Variants in VAV3 observed in about 807,000 individuals in gnomAD.
VAV3 encodes the protein guanine nucleotide exchange factor VAV3.
Under a neutral mutation model 131.2 loss-of-function variants are expected in VAV3, and 94 were observed. The observed-to-expected ratio is 0.72, with a 90% CI of 0.61 to 0.85. The LOEUF (loss-of-function observed/expected upper bound fraction) is 0.85. VAV3 is among the 40% of genes least tolerant of loss of function. The pLI, the probability that VAV3 is intolerant of heterozygous loss-of-function variation, is 0.00. For synonymous variants in VAV3, 349 were observed against 342.0 expected, an observed-to-expected ratio of 1.02 and a Z score of -0.22; for missense variants, 939 against 1,002.7, an observed-to-expected ratio of 0.94 and a Z score of 0.86.
chr1:107,819,603 G>A (rs1335476065), intron 2 of VAV3, among the ~76,000 whole-genome samples: 1 of 151,734 alleles, frequency 6.6e-6, no homozygotes, highest in Non-Finnish European at 1.5e-5. Flanking sequence ...GCCTCAAATT[G>A]CACTTTTTCA....
intron 2 of VAV3, chr1:107,862,611 A>G (rs986131297): frequency 2.0e-5 from 3 of 151,514 alleles, no homozygotes; most frequent in African/African-American, 7.3e-5. Context: ...CTCATCCATC[A>G]TATTTACAAT....
intron 2 of VAV3, among the ~76,000 whole-genome samples, chr1:107,848,990 A>G (rs1307237370): frequency 1.3e-5 from 2 of 152,176 alleles, no homozygotes; most frequent in East Asian, 3.9e-4. Flanking sequence ...AAAGAGAATA[A>G]AATACCTAGG....
chr1:107,617,279 T>C (rs12036368), intron 21 of VAV3, among the ~76,000 whole-genome samples: 22,094 of 152,148 alleles, frequency 0.15, 1,950 homozygotes, highest in East Asian at 0.35. Flanking sequence ...GGGAAACCTG[T>C]ACAATGCGTC....
chr1:107,636,171 C>T (rs777561935), intron 20 of VAV3, among the ~76,000 whole-genome samples: 2 of 152,160 alleles, frequency 1.3e-5, no homozygotes, highest in African/African-American at 2.4e-5. Flanking sequence ...TATGGAATTG[C>T]ATTTGAATTT....
intron 20 of VAV3, among the ~76,000 whole-genome samples, chr1:107,629,052 G>C (rs1654247906): frequency 6.6e-6 from 1 of 152,138 alleles, no homozygotes; most frequent in African/African-American, 2.4e-5. Flanking sequence ...ACTGATTACA[G>C]TTCTACTGCT....
At chr1:107,821,639 G>A (rs899282052) in intron 2 of VAV3, among the ~76,000 whole-genome samples, 3 of 152,204 alleles carry the variant, frequency 2.0e-5, no homozygotes, top group African/African-American at 7.2e-5. Flanking sequence ...GACAGAGGAG[G>A]TTGGAGGGGC....
At chr1:107,584,228 C>T (rs34144151) in intron 25 of VAV3, among the ~76,000 whole-genome samples, 17,158 of 152,126 alleles carry the variant, frequency 0.11, 1,377 homozygotes, top group East Asian at 0.34. Context: ...AAACTGGATC[C>T]CTTCCTTACA....
intron 1 of VAV3, among the ~76,000 whole-genome samples, chr1:107,947,083 G>A (rs1010475833): frequency 6.6e-6 from 1 of 152,144 alleles, no homozygotes; most frequent in Non-Finnish European, 1.5e-5. Context: ...TTGAACTCTA[G>A]AGCCTATAAC....
chr1:107,770,498 T>C, intron 6 of VAV3, 138 bp downstream of exon 6: 1 of 644,394 alleles, frequency 1.6e-6, no homozygotes, highest in Non-Finnish European at 2.7e-6. Context: ...AATGAATAAA[T>C]CTGCTTTGAG....
At chr1:107,803,050 C>CTA (rs1666899809) in intron 2 of VAV3, among the ~76,000 whole-genome samples, 1 of 151,884 alleles carries the variant, frequency 6.6e-6, no homozygotes. Flanking sequence ...TTTTCTATTT[C>CTA]TTCGTGGCTT....
chr1:107,880,910 A>C (rs1259514704), intron 1 of VAV3, among the ~76,000 whole-genome samples: 2 of 152,172 alleles, frequency 1.3e-5, no homozygotes, highest in Admixed American at 6.5e-5. Context: ...GTCAAGCTCT[A>C]TGCTAAATGT....
chr1:107,873,900 C>T (rs1334228115), intron 2 of VAV3, among the ~76,000 whole-genome samples: 1 of 152,078 alleles, frequency 6.6e-6, no homozygotes, highest in African/African-American at 2.4e-5. Context: ...TCCCCATATG[C>T]GCTGTATTTC....
chr1:107,788,406 T>G (rs1666129106), intron 2 of VAV3, among the ~76,000 whole-genome samples: 2 of 152,082 alleles, frequency 1.3e-5, no homozygotes, highest in Non-Finnish European at 2.9e-5. Flanking sequence ...CTGCTTTGCC[T>G]GCTGTGCTCC....
chr1:107,948,626 C>G (rs1276361147), intron 1 of VAV3, among the ~76,000 whole-genome samples: 1 of 152,152 alleles, frequency 6.6e-6, no homozygotes, highest in East Asian at 1.9e-4. Context: ...GGCAGATCAC[C>G]TGAGGTCAGC....
intron 15 of VAV3, among the ~76,000 whole-genome samples, chr1:107,719,193 CA>C (rs1425031428): frequency 1.3e-5 from 2 of 152,082 alleles, no homozygotes; most frequent in Non-Finnish European, 2.9e-5. Context: ...TAACAGAAGC[CA>C]AAATAGACAA....
At chr1:107,762,536 T>C (rs1478047214) in intron 9 of VAV3, among the ~76,000 whole-genome samples, 2 of 152,156 alleles carry the variant, frequency 1.3e-5, no homozygotes, top group Admixed American at 6.5e-5. Context: ...AAACAGAAAG[T>C]TACATTGTTA....
chr1:107,819,314 T>C (rs983754552), intron 2 of VAV3, among the ~76,000 whole-genome samples: 2 of 152,138 alleles, frequency 1.3e-5, no homozygotes, highest in Non-Finnish European at 2.9e-5. Flanking sequence ...AAACCTCATA[T>C]AATAACAAAT....
At chr1:107,670,468 A>G (rs1657706483) in intron 19 of VAV3, among the ~76,000 whole-genome samples, 1 of 152,168 alleles carries the variant, frequency 6.6e-6, no homozygotes, top group Admixed American at 6.5e-5. Flanking sequence ...TTGCAAATGA[A>G]GATTAAACAT....
At position 107,877,397 on chromosome 1, in the gene VAV3, T is replaced by C. The variant is rs566103889; in HGVS notation, c.205-2380A>G. ...AAGCATAATTGCACACACCACGCTC[T>C]GAAGATTTCCCACCAAACTCAAACT... On this transcript the variant is annotated intron_variant, in intron 1 of 26. Transcript: ENST00000370056. 2.0e-5 allele frequency among the ~76,000 whole-genome samples: 3 copies of C among 152,304 alleles called. No homozygotes were observed. The South Asian group carries it at 6.2e-4, about 32-fold the overall frequency.
Sources: allele counts gnomAD v4.1 joint callset (sites outside exome capture counted in the v4.1 genomes callset), GRCh38; gene constraint gnomAD v4.1.1; transcripts MANE v1.5; gene names NCBI Gene and HGNC (gene_info 2026-07-23, HGNC 2026-07-21).